ATP6V0A2: variants seen among roughly 807,000 people sequenced by gnomAD.
ATP6V0A2 encodes V-type proton ATPase 116 kDa subunit a 2.
ATP6V0A2 carries 58 observed loss-of-function variants against 104.4 expected under a neutral mutation model. The ratio of observed to expected loss-of-function variants is 0.56; its 90% CI spans 0.45 to 0.69. The LOEUF (loss-of-function observed/expected upper bound fraction) is 0.69, where lower values mean the gene tolerates loss of function less well. Ranked by LOEUF, ATP6V0A2 falls within the 30% of genes least tolerant of loss-of-function variation. The pLI is 0.00. For missense variants in ATP6V0A2, 938 were observed against 1,062.9 expected, an observed-to-expected ratio of 0.88 and a Z score of 1.63; for synonymous variants, 376 against 397.9, an observed-to-expected ratio of 0.95 and a Z score of 0.65.
rs563207781 is a variant in ATP6V0A2 at position 123,746,768 on chromosome 12, G to A, written c.1606-839G>A. On this transcript the variant is annotated intron_variant, in intron 13 of 19. Transcript: ENST00000330342. ...TTGAGACCAGTTTGGCCAACATGGC[G>A]AAACCCTTTCTCTACTAAAAATACA... 1.6e-4 allele frequency among the ~76,000 whole-genome samples: 24 copies of A among 151,740 alleles called. No individual in the cohort carries two copies. The South Asian group carries it at 3.8e-3, about 24-fold the overall frequency.
chr12:123,735,486 C>A, intron 7 of ATP6V0A2, 45 bp from the exon 8 acceptor site: 7 of 1,558,304 alleles, frequency 4.5e-6, no homozygotes, highest in Non-Finnish European at 6.2e-6. Flanking sequence ...GTGTTTAGTT[C>A]TAGTGCTGAC....
At position 123,744,754 on chromosome 12, in the gene ATP6V0A2, C is replaced by A; in HGVS notation, c.1484C>A (p.Pro495His). 6.2e-7 allele frequency: 1 copy of A among 1,614,168 alleles called. No individual in the cohort carries two copies. The highest frequency in any genetic ancestry group is 8.5e-7 in the Non-Finnish European group (1 of 1,180,024). ...GCCATGTACAGCTCCAGCCACCCAC[C>A]CGCAGAGCATAAGAAGATGGTGCTT... ...VSAMYSSSHP[P>H]AEHKKMVLWN... The change falls in exon 12 of 20, where the codon CCC (proline) becomes CAC (histidine). Residue 495 changes from proline (P) to histidine (H), a missense_variant. Pro to His is a moderately conservative substitution (Grantham distance 77, BLOSUM62 -2). Transcript: ENST00000330342. The surrounding 1 kb of genome is among the most constrained non-coding windows in gnomAD (Gnocchi z 5.4).
At chr12:123,743,295 G>A (rs1956626635) in intron 9 of ATP6V0A2, among the ~76,000 whole-genome samples, 1 of 152,136 alleles carries the variant, frequency 6.6e-6, no homozygotes, top group African/African-American at 2.4e-5. Flanking sequence ...AGGCCCTCTG[G>A]CTGCTCTTGA....
intron 1 of ATP6V0A2, 44 bp downstream of exon 1, chr12:123,712,726 C>A: frequency 6.6e-7 from 1 of 1,519,924 alleles, no homozygotes; most frequent in Non-Finnish European, 9.1e-7. Flanking sequence ...GCTCTCCTGG[C>A]GCCCCCAATC....
At chr12:123,734,997 T>C (rs1956536622) in intron 7 of ATP6V0A2, among the ~76,000 whole-genome samples, 1 of 152,172 alleles carries the variant, frequency 6.6e-6, no homozygotes, top group Non-Finnish European at 1.5e-5. Flanking sequence ...TGTTAACATA[T>C]GAAGGTGGTC....
chr12:123,751,220 G>A lies in ATP6V0A2; in HGVS notation c.2046G>A (p.Gly682=), dbSNP rs1241007396. 1 of 1,614,178 alleles carries A rather than the reference G, an allele frequency of 6.2e-7. No homozygotes were observed. Among genetic ancestry groups the A allele is most frequent in the Non-Finnish European group, 8.5e-7 (1 of 1,180,042 alleles). The change falls in exon 16 of 20, where the codon GGG becomes GGA. Residue 682 remains glycine (G), a synonymous_variant. Transcript: ENST00000330342. ...TTCACAATGGGCGTAGTTGCTTCGG[G>A]GTGAACCGGGTAAGTGCGGGTTTGG... The part of the protein sequence containing the change: ...LWLHNGRSCF[G]VNRSGYTLIR...
Position 123,744,351 on chromosome 12 carries a change from C to T in ATP6V0A2, c.1326+14C>T, listed in dbSNP as rs766605638. ...CAGTCACAAGAGGTAAAAATATAAA[C>T]ACTCCAGCTCATATATCTGGTTAGG... is the stretch of plus-strand genomic sequence containing the variant. On this transcript the variant is annotated intron_variant, in intron 11 of 19. Transcript: ENST00000330342. This position sits in a 1 kb window ranked among gnomAD's most constrained non-coding sequence, Gnocchi z 5.4. The T allele has an allele frequency of 2.5e-6, 4 of 1,614,124 alleles. No individual in the cohort carries two copies. The highest frequency in any genetic ancestry group is 2.5e-6 in the Non-Finnish European group (3 of 1,179,982).
intron 2 of ATP6V0A2, 121 bp downstream of exon 2, chr12:123,718,822 A>C: frequency 8.8e-6 from 6 of 679,918 alleles, no homozygotes; most frequent in Non-Finnish European, 1.5e-5. Flanking sequence ...TTGTATTCTC[A>C]TTCAGAAGTA....
chr12:123,718,973 G>A (rs542711063), intron 2 of ATP6V0A2, among the ~76,000 whole-genome samples: 2 of 152,002 alleles, frequency 1.3e-5, no homozygotes, highest in Middle Eastern at 3.4e-3. Flanking sequence ...ACATCTTTTC[G>A]TGTCAGTAGA....
At chr12:123,745,880 C>CA (rs1956657565) in intron 13 of ATP6V0A2, among the ~76,000 whole-genome samples, 1 of 152,050 alleles carries the variant, frequency 6.6e-6, no homozygotes, top group Non-Finnish European at 1.5e-5. Flanking sequence ...GAAACAATCT[C>CA]AAAGTTGGTT....
chr12:123,755,853 C>T (rs916694539), intron 18 of ATP6V0A2, among the ~76,000 whole-genome samples: 2 of 151,838 alleles, frequency 1.3e-5, no homozygotes, highest in African/African-American at 4.8e-5. Context: ...GAGGCCTAGG[C>T]GGGCGGATCA....
At chr12:123,747,777 CT>C (rs771064950) in intron 14 of ATP6V0A2, 52 bp downstream of exon 14, 4 of 1,261,402 alleles carry the variant, frequency 3.2e-6, no homozygotes, top group Non-Finnish European at 4.6e-6. Flanking sequence ...CTTGGCATTT[CT>C]TCAATTTTGC....
At chr12:123,739,297 T>C (rs7295552) in intron 9 of ATP6V0A2, among the ~76,000 whole-genome samples, 92,103 of 152,082 alleles carry the variant, frequency 0.61, 28,464 homozygotes, top group East Asian at 0.95. Flanking sequence ...TCTTACTGCT[T>C]ATAGTCCCTG....
intron 1 of ATP6V0A2, among the ~76,000 whole-genome samples, chr12:123,716,544 A>G (rs1434114002): frequency 6.6e-6 from 1 of 152,132 alleles, no homozygotes; most frequent in African/African-American, 2.4e-5. Flanking sequence ...TAATCCCGGC[A>G]CTTTGGGAGG....
intron 15 of ATP6V0A2, 103 bp from the exon 16 acceptor site, chr12:123,751,007 G>T: frequency 6.7e-7 from 1 of 1,489,950 alleles, no homozygotes; most frequent in Non-Finnish European, 9.3e-7. Flanking sequence ...AATGTTCCTC[G>T]CGTGGAGACA....
Position 123,743,828 on chromosome 12 carries a change from C to T in ATP6V0A2, c.1082C>T (p.Pro361Leu). The T allele has an allele frequency of 6.2e-7, 1 of 1,614,078 alleles. No individual in the cohort carries two copies. Among genetic ancestry groups the T allele is most frequent in the African/African-American group, 1.3e-5 (1 of 74,994 alleles). The change falls in exon 10 of 20, where the codon CCC becomes CTC. Residue 361 changes from proline (P) to leucine (L), a missense_variant. Transcript: ENST00000330342. ...ATCCCCTCATTCATGAATATAATCC[C>T]CACAAAAGAAACACCCCCCACTCGG... is the stretch of plus-strand genomic sequence containing the variant. ...ATIPSFMNIIPTKETPPTRIR... is the reference protein window; with the variant it reads ...ATIPSFMNIILTKETPPTRIR...
chr12:123,746,188 TGA>T (rs1956660075), intron 13 of ATP6V0A2, among the ~76,000 whole-genome samples: 3 of 151,896 alleles, frequency 2.0e-5, no homozygotes, highest in African/African-American at 7.3e-5. Flanking sequence ...AAAGTTTGAG[TGA>T]GTTTTTTTTT....
chr12:123,724,630 T>G (rs780411378), intron 3 of ATP6V0A2, 24 bp from the exon 4 acceptor site: 32 of 1,612,688 alleles, frequency 2.0e-5, no homozygotes, highest in Admixed American at 3.3e-5. Context: ...ACTACCCTCT[T>G]AAGTAACCAT....
chr12:123,718,974 T>C (rs561088347), intron 2 of ATP6V0A2, among the ~76,000 whole-genome samples: 17 of 152,348 alleles, frequency 1.1e-4, no homozygotes, highest in African/African-American at 3.6e-4. Flanking sequence ...CATCTTTTCG[T>C]GTCAGTAGAC....
Sources: gnomAD v4.1 joint callset for allele counts (sites outside exome capture counted in the v4.1 genomes callset) on GRCh38, gnomAD v4.1.1 for gene constraint, Gnocchi (gnomAD v3.1) non-coding constraint, MANE v1.5 for transcripts, NCBI Gene and HGNC (gene_info 2026-07-23, HGNC 2026-07-21) for gene names.